Variants in DIAPH1 observed in about 807,000 individuals in gnomAD.
The protein encoded by DIAPH1 is diaphanous related formin 1, also known as protein diaphanous homolog 1.
DIAPH1 carries 46 observed loss-of-function variants against 140.7 expected under a neutral mutation model. The ratio of observed to expected loss-of-function variants is 0.33; its 90% CI spans 0.26 to 0.42. The LOEUF (loss-of-function observed/expected upper bound fraction) is 0.42. Ranked by LOEUF, DIAPH1 falls within the 10% of genes least tolerant of loss-of-function variation. The probability of loss-of-function intolerance (pLI) is 1.00; values close to 1 mark genes in which losing one functional copy is unlikely to be tolerated. For synonymous variants in DIAPH1, 565 were observed against 551.6 expected, an observed-to-expected ratio of 1.02 and a Z score of -0.34; for missense variants, 1,310 against 1,558.7, an observed-to-expected ratio of 0.84 and a Z score of 2.69.
At chr5:141,538,060 T>C (rs1596346865) in intron 18 of DIAPH1, among the ~76,000 whole-genome samples, 1 of 132,016 alleles carries the variant, frequency 7.6e-6, no homozygotes, top group Non-Finnish European at 1.7e-5. Context: ...CCTGGCTGTT[T>C]TTTTGTTTTT....
In DIAPH1 at chr5:141,583,591, T is replaced by C. The variant is rs758148602; in HGVS notation, c.427A>G (p.Lys143Glu). The change falls in exon 5 of 28, where the codon AAG (lysine) becomes GAG (glutamate). Residue 143 changes from lysine (K) to glutamate (E), a missense_variant. Transcript: ENST00000389054. ...KAGMSQKESS[K>E]SAMMYIQELR... ...TCCTGAATATACATCATGGCAGACT[T>C]AGAGCTCTCCTTCTGGCTCATGCCC... 14 of 1,614,238 alleles carry C rather than the reference T, an allele frequency of 8.7e-6. No homozygotes were observed. The highest frequency in any genetic ancestry group is 1.1e-5 in the Non-Finnish European group (13 of 1,180,040).
At chr5:141,549,157 G>C (rs977943417) in intron 18 of DIAPH1, among the ~76,000 whole-genome samples, 2 of 151,978 alleles carry the variant, frequency 1.3e-5, no homozygotes, top group Non-Finnish European at 2.9e-5. Flanking sequence ...CTGCTTATAA[G>C]GGACACACCT....
At position 141,580,649 on chromosome 5, in the gene DIAPH1, G is replaced by A. The variant is rs1417768276; in HGVS notation, c.824+95C>T. 2.4e-6 allele frequency: 3 copies of A among 1,250,196 alleles called. No homozygotes were observed. In the African/African-American group the frequency reaches 4.5e-5, roughly 19 times the overall value. The allele number at this position is 1,250,196 out of a possible 1,614,324, so 77.4% of individuals were successfully genotyped here. On this transcript the variant is annotated intron_variant, in intron 8 of 27. Transcript: ENST00000389054. The stretch of plus-strand genomic sequence containing the variant: ...AAACACAATCTTACCTAGTATTTAT[G>A]ACCGAGAGGACACCCAACCAACTCA...
chr5:141,588,330 T>C (rs2099897859), intron 1 of DIAPH1, 80 bp from the exon 2 acceptor site: 1 of 1,081,560 alleles, frequency 9.2e-7, no homozygotes, highest in East Asian at 2.4e-5. Flanking sequence ...ACCAGACGGG[T>C]TGGGGAAAAG....
At chr5:141,573,291 C>T (rs747433671) in intron 16 of DIAPH1, among the ~76,000 whole-genome samples, 19 of 151,884 alleles carry the variant, frequency 1.3e-4, no homozygotes, top group Admixed American at 4.6e-4. Flanking sequence ...AAAAATTAGC[C>T]GGGCGTGGTG....
chr5:141,537,849 C>G (rs1429118901), intron 18 of DIAPH1, among the ~76,000 whole-genome samples: 1 of 152,164 alleles, frequency 6.6e-6, no homozygotes, highest in Non-Finnish European at 1.5e-5. Flanking sequence ...CTATATAAAG[C>G]AATACACTCA....
At chr5:141,615,828 T>A (rs2099902602) in intron 1 of DIAPH1, among the ~76,000 whole-genome samples, 1 of 152,230 alleles carries the variant, frequency 6.6e-6, no homozygotes, top group Admixed American at 6.5e-5. Context: ...CTTTCTCGAT[T>A]ATATGAGAGT....
Position 141,578,258 on chromosome 5 carries a change from T to C in DIAPH1, c.1130A>G (p.Lys377Arg), listed in dbSNP as rs2099896242. 2 of 1,613,982 alleles carry C rather than the reference T, an allele frequency of 1.2e-6. No homozygotes were observed. The highest frequency in any genetic ancestry group is 2.7e-5 in the African/African-American group (2 of 74,934). The change falls in exon 11 of 28, where the codon AAG (lysine) becomes AGG (arginine). Residue 377 changes from lysine to arginine, a missense_variant. Transcript: ENST00000389054. ...CATGCGAATGTCATCCAGCCGTCCC[T>C]TCAGGTCATAGGAATCCTCTTCCCC... is the stretch of plus-strand genomic sequence containing the variant. Reference protein sequence around the residue: ...EQGEEDSYDLKGRLDDIRMEM... With the variant: ...EQGEEDSYDLRGRLDDIRMEM...
At chr5:141,547,298 T>C (rs2099890954) in intron 18 of DIAPH1, among the ~76,000 whole-genome samples, 4 of 152,062 alleles carry the variant, frequency 2.6e-5, no homozygotes, top group Admixed American at 2.6e-4. Flanking sequence ...ACCCCATCTC[T>C]ACTTAAAATA....
rs189792430 is a variant in DIAPH1 at position 141,536,501 on chromosome 5, A to C, written c.2483-2068T>G. 3.4e-3 allele frequency among the ~76,000 whole-genome samples: 517 copies of C among 152,326 alleles called. 3 individuals are homozygous for C. Among genetic ancestry groups the C allele is most frequent in the Non-Finnish European group, 5.5e-3 (374 of 68,026 alleles). Reference sequence around the variant, plus strand: ...TGGAACTTACGTCCTAACAAAAATAAATAAACTAGACCATTTAATAGATAA... The same window carrying C: ...TGGAACTTACGTCCTAACAAAAATACATAAACTAGACCATTTAATAGATAA... On this transcript the variant is annotated intron_variant, in intron 18 of 27. Transcript: ENST00000389054.
intron 10 of DIAPH1, 40 bp downstream of exon 10, chr5:141,578,475 G>C: frequency 1.3e-6 from 2 of 1,566,748 alleles, no homozygotes; most frequent in Non-Finnish European, 1.8e-6. Context: ...AGAGCAAGAA[G>C]GAACCAGTCT....
chr5:141,550,143 G>A (rs769343329), intron 18 of DIAPH1, among the ~76,000 whole-genome samples: 4 of 151,596 alleles, frequency 2.6e-5, no homozygotes, highest in Non-Finnish European at 5.9e-5. Flanking sequence ...TTTCTATACT[G>A]ATTAAAAAAA....
chr5:141,581,419 T>A (rs1252505939), intron 7 of DIAPH1, among the ~76,000 whole-genome samples: 2 of 152,220 alleles, frequency 1.3e-5, no homozygotes, highest in Non-Finnish European at 2.9e-5. Context: ...GGTAGAATAC[T>A]TTTCCCAATA....
intron 1 of DIAPH1, among the ~76,000 whole-genome samples, chr5:141,614,200 G>A (rs2099902284): frequency 6.6e-6 from 1 of 152,008 alleles, no homozygotes; most frequent in African/African-American, 2.4e-5. Context: ...CAGCTACTGG[G>A]ACATAAAAAG....
chr5:141,587,489 CCT>C, intron 2 of DIAPH1: 1 of 428,080 alleles, frequency 2.3e-6, no homozygotes, highest in Non-Finnish European at 4.3e-6. Flanking sequence ...CATTTCTAAG[CCT>C]TGTAGTAGTA....
At chr5:141,548,362 G>A (rs1167165301) in intron 18 of DIAPH1, among the ~76,000 whole-genome samples, 2 of 150,860 alleles carry the variant, frequency 1.3e-5, no homozygotes. Flanking sequence ...TTCATTAGCA[G>A]CAGACCTGAA....
At chr5:141,617,654 C>T (rs2099902900) in intron 1 of DIAPH1, among the ~76,000 whole-genome samples, 1 of 152,212 alleles carries the variant, frequency 6.6e-6, no homozygotes, top group Non-Finnish European at 1.5e-5. Flanking sequence ...AAAAGAGCTA[C>T]AGTTATAACT....
intron 19 of DIAPH1, among the ~76,000 whole-genome samples, chr5:141,533,317 A>C (rs1335859004): frequency 6.6e-6 from 1 of 152,212 alleles, no homozygotes; most frequent in Non-Finnish European, 1.5e-5. Flanking sequence ...TAAAAAGAAC[A>C]AAAATTTAAC....
chr5:141,571,231 C>T (rs1202801182), intron 18 of DIAPH1, among the ~76,000 whole-genome samples, 197 bp downstream of exon 18: 1 of 152,174 alleles, frequency 6.6e-6, no homozygotes, highest in Non-Finnish European at 1.5e-5. Flanking sequence ...GCAAACTTTC[C>T]TCCCTATTAG....
Sources: gnomAD v4.1 joint callset for allele counts (sites outside exome capture counted in the v4.1 genomes callset) on GRCh38, gnomAD v4.1.1 for gene constraint, MANE v1.5 for transcripts, NCBI Gene and HGNC (gene_info 2026-07-23, HGNC 2026-07-21) for gene names.